COL19A1: variants seen among roughly 807,000 people sequenced by gnomAD.
COL19A1 encodes collagen alpha-1(XIX) chain.
Under a neutral mutation model 190.2 loss-of-function variants are expected in COL19A1, and 159 were observed. The ratio of observed to expected loss-of-function variants is 0.84; its 90% CI spans 0.73 to 0.95. The LOEUF (loss-of-function observed/expected upper bound fraction) is 0.95, where lower values mean the gene tolerates loss of function less well. COL19A1 is among the 40% of genes least tolerant of loss of function. The probability of loss-of-function intolerance (pLI) is 0.00; values close to 1 mark genes in which losing one functional copy is unlikely to be tolerated. For synonymous variants in COL19A1, 509 were observed against 458.9 expected (o/e 1.11, Z -1.39); for missense variants, 1,418 against 1,431.9 (o/e 0.99, Z 0.16).
intron 15 of COL19A1, among the ~76,000 whole-genome samples, chr6:70,081,480 A>G (rs1392780185): frequency 6.6e-6 from 1 of 152,174 alleles, no homozygotes; most frequent in Non-Finnish European, 1.5e-5. Flanking sequence ...AAAGCCTTGT[A>G]GACTTCTTTT....
At chr6:69,869,637 A>G (rs1767703302) in intron 1 of COL19A1, among the ~76,000 whole-genome samples, 1 of 152,246 alleles carries the variant, frequency 6.6e-6, no homozygotes, top group Admixed American at 6.5e-5. Flanking sequence ...TCATTGATAT[A>G]GATATATCTG....
chr6:69,930,973 A>G (rs1056584349), intron 6 of COL19A1, among the ~76,000 whole-genome samples: 4 of 152,200 alleles, frequency 2.6e-5, no homozygotes, highest in Admixed American at 6.5e-5. Flanking sequence ...GCATGTCACA[A>G]TGATGCAATA....
At chr6:70,059,817 G>A in intron 14 of COL19A1, 1 of 512,842 alleles carries the variant, frequency 1.9e-6, no homozygotes, top group Non-Finnish European at 3.9e-6. Context: ...CTGTATGTGT[G>A]CAAAATTTTA....
intron 15 of COL19A1, 91 bp from the exon 16 acceptor site, chr6:70,102,078 T>C (rs1016771172): frequency 3.8e-6 from 4 of 1,051,488 alleles, no homozygotes; most frequent in Admixed American, 3.7e-5. Context: ...CTGTTCATTT[T>C]TACTGTCTTC....
chr6:69,963,006 C>A, intron 11 of COL19A1, 136 bp downstream of exon 11: 1 of 553,200 alleles, frequency 1.8e-6, no homozygotes, highest in Non-Finnish European at 3.0e-6. Context: ...AAAACATTTG[C>A]TTCCATTGAG....
rs534636199 is a variant in COL19A1 at position 69,938,228 on chromosome 6, ATTAAAAT to A, written c.936+129_936+135del. The A allele has an allele frequency of 4.4e-4, 368 of 844,802 alleles. No homozygotes were observed. In the East Asian group the frequency reaches 0.01, roughly 23 times the overall value. The allele number at this position is 844,802 out of a possible 1,614,324, so 52.3% of individuals were successfully genotyped here. The stretch of plus-strand genomic sequence containing the variant: ...TCTATAAAAGGCTATCAAAGACTAT[ATTAAAAT>A]GCTGATTACTGAAATAGAGACTATC... On this transcript the variant is annotated intron_variant, in intron 9 of 50. Coordinates refer to ENST00000620364, the MANE Select transcript of COL19A1 (RefSeq NM_001858.6).
At chr6:70,156,091 T>C (rs1210384360) in intron 31 of COL19A1, 36 bp from the exon 32 acceptor site, 3 of 1,589,264 alleles carry the variant, frequency 1.9e-6, no homozygotes, top group Non-Finnish European at 2.6e-6. Context: ...ACGGCTTTTA[T>C]GACTCCCTCA....
At chr6:70,175,340 T>C (rs752166536) in intron 41 of COL19A1, among the ~76,000 whole-genome samples, 3 of 152,120 alleles carry the variant, frequency 2.0e-5, no homozygotes, top group Non-Finnish European at 4.4e-5. Flanking sequence ...CTTGTTTTGG[T>C]TTTATGCACA....
intron 16 of COL19A1, among the ~76,000 whole-genome samples, chr6:70,112,614 T>A (rs1344490405): frequency 3.9e-5 from 6 of 152,166 alleles, no homozygotes. Flanking sequence ...CCTTTAAATA[T>A]ATTTTTTTCT....
chr6:70,000,576 T>C (rs1777201672), intron 11 of COL19A1, among the ~76,000 whole-genome samples: 1 of 152,212 alleles, frequency 6.6e-6, no homozygotes, highest in Non-Finnish European at 1.5e-5. Context: ...TGGCATGAGA[T>C]AGTATCTCAT....
Position 70,142,224 on chromosome 6 carries a change from G to GGCTGCATTTATTACAC in COL19A1, c.1572+151_1572+166dup, listed in dbSNP as rs1306065836. The GGCTGCATTTATTACAC allele has an allele frequency of 7.0e-6, 5 of 711,812 alleles. No individual in the cohort carries two copies. In the African/African-American group the frequency reaches 9.0e-5, roughly 13 times the overall value. 44.1% of individuals were successfully genotyped at this position (711,812 alleles called of 1,614,324 possible). A position where few individuals can be genotyped will look rare whatever the true frequency, so the allele number is the denominator to read the frequency against. ...TGTTTCCATGGTGATTTTCCCCACT[G>GGCTGCATTTATTACAC]GCTGCATTTATTACACGCATAGTAA... On this transcript the variant is annotated intron_variant, in intron 22 of 50. Coordinates refer to ENST00000620364, the MANE Select transcript of COL19A1 (RefSeq NM_001858.6).
chr6:70,084,425 G>T (rs541900941), intron 15 of COL19A1, among the ~76,000 whole-genome samples: 1 of 152,264 alleles, frequency 6.6e-6, no homozygotes, highest in South Asian at 2.1e-4. Flanking sequence ...GAGCAAGTCA[G>T]AAATCAACTT....
At chr6:70,145,028 T>G in intron 25 of COL19A1, 21 bp downstream of exon 25, 1 of 1,494,004 alleles carries the variant, frequency 6.7e-7, no homozygotes, top group Non-Finnish European at 9.0e-7. Flanking sequence ...GCCCTTTTGT[T>G]AATATTTTTC....
chr6:70,184,065 T>G (rs541870564), intron 44 of COL19A1, among the ~76,000 whole-genome samples: 2 of 152,378 alleles, frequency 1.3e-5, no homozygotes, highest in African/African-American at 4.8e-5. Flanking sequence ...CTTCCAGTTT[T>G]CTAATAAAAA....
intron 16 of COL19A1, among the ~76,000 whole-genome samples, chr6:70,108,810 C>T (rs1784118069): frequency 6.6e-6 from 1 of 152,142 alleles, no homozygotes; most frequent in Non-Finnish European, 1.5e-5. Flanking sequence ...GAAACATGTA[C>T]ATTCATGTTT....
At chr6:70,138,200 C>G (rs954043302) in intron 19 of COL19A1, among the ~76,000 whole-genome samples, 1 of 152,146 alleles carries the variant, frequency 6.6e-6, no homozygotes, top group Non-Finnish European at 1.5e-5. Flanking sequence ...GGAAACACAT[C>G]TTTCTGCTCA....
chr6:70,001,767 G>T (rs930768280), intron 11 of COL19A1, among the ~76,000 whole-genome samples: 13 of 152,112 alleles, frequency 8.5e-5, no homozygotes, highest in Non-Finnish European at 1.9e-4. Context: ...GAGTTTTTGC[G>T]CTGAGATGAT....
At chr6:70,141,127 AT>A in intron 20 of COL19A1, 138 bp downstream of exon 20, 1 of 725,138 alleles carries the variant, frequency 1.4e-6, no homozygotes, top group Non-Finnish European at 2.2e-6. Context: ...TTCCTCTGTG[AT>A]TTTTAACTCT....
intron 42 of COL19A1, 68 bp from the exon 43 acceptor site, chr6:70,180,244 G>A (rs1766085096): frequency 6.4e-7 from 1 of 1,569,712 alleles, no homozygotes; most frequent in East Asian, 2.2e-5. Flanking sequence ...TGGGGTTGGG[G>A]GAAGAGAAGC....
Sources: gnomAD v4.1 joint callset for allele counts (sites outside exome capture counted in the v4.1 genomes callset) on GRCh38, gnomAD v4.1.1 for gene constraint, MANE v1.5 for transcripts, NCBI Gene and HGNC (gene_info 2026-07-23, HGNC 2026-07-21) for gene names.